The following OGFOD3 variants were observed in gnomAD, a reference collection of about 807,000 sequenced individuals.
OGFOD3 encodes the protein 2-oxoglutarate and iron-dependent oxygenase domain-containing protein 3.
Under a neutral mutation model 39.8 loss-of-function variants are expected in OGFOD3, and 35 were observed. The ratio of observed to expected loss-of-function variants is 0.88; its 90% confidence interval spans 0.67 to 1.17. The LOEUF is 1.17. Among genes scored for constraint, OGFOD3 ranks in the 50% most tolerant of loss-of-function variants. The pLI is 0.00. For missense variants in OGFOD3, 438 were observed against 454.5 expected, an observed-to-expected ratio of 0.96 and a Z score of 0.33; for synonymous variants, 200 against 192.0, an observed-to-expected ratio of 1.04 and a Z score of -0.34.
In OGFOD3 at chr17:82,392,197, G is replaced by A. The variant is rs972586690; in HGVS notation, c.*201C>T. ...TCAGGCTCCCAGGCCTACAGCCCAA[G>A]CACACATGATGCTGGAGAAGTGAAA... On this transcript the variant is annotated 3_prime_UTR_variant, in exon 9 of 9. Coordinates refer to ENST00000313056, the MANE Select transcript of OGFOD3 (RefSeq NM_024648.3). This position sits in a 1 kb window ranked among gnomAD's most constrained non-coding sequence, Gnocchi z 4.2. 2 of 655,504 alleles carry A rather than the reference G, an allele frequency of 3.1e-6. No individual in the cohort carries two copies. Among genetic ancestry groups the A allele is most frequent in the African/African-American group, 3.7e-5 (2 of 54,728 alleles). 40.6% of individuals were successfully genotyped at this position (655,504 alleles called of 1,614,324 possible).
intron 8 of OGFOD3, chr17:82,396,617 T>C (rs1232539938): frequency 6.6e-6 from 1 of 152,254 alleles, no homozygotes; most frequent in Non-Finnish European, 1.5e-5. Flanking sequence ...GTATTTATCA[T>C]GCTTAAAATG....
At position 82,418,458 on chromosome 17, in the gene OGFOD3, T is replaced by G; in HGVS notation, c.28A>C (p.Lys10Gln). MAPQRRAATKAPEGNGAAER... is the reference protein window; with the variant it reads MAPQRRAATQAPEGNGAAER... ...GCCGCTCCGTTGCCCTCGGGCGCCT[T>G]GGTTGCGGCCCTCCGCTGAGGAGCC... is the stretch of plus-strand genomic sequence containing the variant. Residue 10 changes from lysine to glutamine, a missense_variant, in exon 1 of 9, where the codon AAG becomes CAG. Physicochemically the swap from Lys to Gln is moderately conservative, Grantham distance 53. Transcript: ENST00000313056. The G allele has an allele frequency of 6.8e-7, 1 of 1,475,058 alleles. No homozygotes were observed. Among genetic ancestry groups the G allele is most frequent in the Non-Finnish European group, 8.9e-7 (1 of 1,118,868 alleles). 91.4% of individuals were successfully genotyped at this position (1,475,058 alleles called of 1,614,324 possible).
intron 5 of OGFOD3, among the ~76,000 whole-genome samples, chr17:82,405,949 A>AAAT (rs945618595): frequency 3.3e-5 from 5 of 152,018 alleles, no homozygotes; most frequent in East Asian, 1.9e-4. Context: ...TTCCATCTCA[A>AAAT]AATAATAATA....
rs147607026 is a variant in OGFOD3, at chr17:82,411,578, G to T, written c.305-48C>A. ...AGACGCAGTTTCCAAGGCCACCGGC[G>T]CATGCCCTTCCAGGGAATCAGGGCC... On this transcript the variant is annotated intron_variant, in intron 2 of 8. Coordinates refer to ENST00000313056, the MANE Select transcript of OGFOD3 (RefSeq NM_024648.3). The T allele has an allele frequency of 7.3e-5, 110 of 1,511,692 alleles. No individual in the cohort carries two copies. The Middle Eastern group carries it at 2.6e-3, about 35-fold the overall frequency. The allele number at this position is 1,511,692 out of a possible 1,614,324, so 93.6% of individuals were successfully genotyped here. A position where few individuals can be genotyped will look rare whatever the true frequency, so the allele number is the denominator to read the frequency against.
In OGFOD3 at chr17:82,411,522, G is replaced by T. The variant is rs747310509; in HGVS notation, c.313C>A (p.Pro105Thr). ...GTGACACCTCTGCCGCACTTTCGGG[G>T]AGTGCAGCCTGTGAAGGGACAGCCA... ...DSHRRFEGCTPRKCGRGVTDV... is the reference protein window; with the variant it reads ...DSHRRFEGCTTRKCGRGVTDV... Residue 105 changes from proline to threonine, a missense_variant, in exon 3 of 9, where the codon CCC (proline) becomes ACC (threonine). By Grantham distance (38) the Pro-to-Thr change is conservative (BLOSUM62 -1). Coordinates refer to ENST00000313056, the MANE Select transcript of OGFOD3 (RefSeq NM_024648.3). 1 of 1,614,058 alleles carries T rather than the reference G, an allele frequency of 6.2e-7. No homozygotes were observed. Among genetic ancestry groups the T allele is most frequent in the Non-Finnish European group, 8.5e-7 (1 of 1,179,958 alleles).
chr17:82,416,811 C>A (rs1223537851), intron 1 of OGFOD3, among the ~76,000 whole-genome samples: 1 of 152,100 alleles, frequency 6.6e-6, no homozygotes, highest in Non-Finnish European at 1.5e-5. Context: ...GCTAGGATTA[C>A]AGGCGTGCAC....
intron 7 of OGFOD3, among the ~76,000 whole-genome samples, chr17:82,399,587 C>T (rs1009552598): frequency 6.6e-6 from 1 of 152,204 alleles, no homozygotes. Flanking sequence ...TCTCATCCTC[C>T]CAGGCCGAAG....
chr17:82,415,547 C>G lies in OGFOD3; in HGVS notation c.155G>C (p.Gly52Ala). 1.2e-6 allele frequency: 2 copies of G among 1,613,502 alleles called. No homozygotes were observed. Among genetic ancestry groups the G allele is most frequent in the Non-Finnish European group, 1.7e-6 (2 of 1,179,944 alleles). Residue 52 changes from glycine to alanine, a missense_variant, in exon 2 of 9, where the codon GGC (glycine) becomes GCC (alanine). Coordinates refer to ENST00000313056, the MANE Select transcript of OGFOD3 (RefSeq NM_024648.3). The surrounding 1 kb of genome is among the most constrained non-coding windows in gnomAD (Gnocchi z 5.3). ...GAGCAGGAGTGCGGTGAGCACAAAG[C>G]CAGCCCCCAGGCCCGCGGTCCTTAG... The part of the protein sequence containing the change: ...PWLRTAGLGA[G>A]FVLTALLLWS...
chr17:82,416,265 C>A (rs1317342829), intron 1 of OGFOD3, among the ~76,000 whole-genome samples: 2 of 152,036 alleles, frequency 1.3e-5, no homozygotes, highest in African/African-American at 2.4e-5. Flanking sequence ...TAAACAAACA[C>A]ACACCACTTT....
intron 8 of OGFOD3, chr17:82,393,969 A>G (rs1283526281): frequency 6.5e-6 from 1 of 154,172 alleles, no homozygotes; most frequent in Non-Finnish European, 1.4e-5. Context: ...AGATGAGATC[A>G]ATACGGGGCC....
rs759508848 is a variant in OGFOD3, at chr17:82,415,443, C to T, written c.259G>A (p.Glu87Lys). Residue 87 changes from glutamate to lysine, a missense_variant, in exon 2 of 9, where the codon GAG becomes AAG. Transcript: ENST00000313056. The surrounding 1 kb of genome is among the most constrained non-coding windows in gnomAD (Gnocchi z 5.3). ...TCGTAGTCCTCAGAGCAGGGCACCT[C>T]GATGAATCTCCCTGCCACGACCTCG... ...RGEVVAGRFI[E>K]VPCSEDYDSH... 7 of 1,614,066 alleles carry T rather than the reference C, an allele frequency of 4.3e-6. No homozygotes were observed. The South Asian group carries it at 5.5e-5, about 13-fold the overall frequency.
At chr17:82,394,075 T>C (rs1407574893) in intron 8 of OGFOD3, among the ~76,000 whole-genome samples, 1 of 151,384 alleles carries the variant, frequency 6.6e-6, no homozygotes, top group African/African-American at 2.4e-5. Context: ...CTGCAAGCTC[T>C]GCCTCCTGGG....
Position 82,391,392 on chromosome 17 carries a change from G to T in OGFOD3, c.*1006C>A, listed in dbSNP as rs2052595196. The T allele has an allele frequency of 6.6e-6, 1 of 152,532 alleles. No homozygotes were observed. Among genetic ancestry groups the T allele is most frequent in the Non-Finnish European group, 1.5e-5 (1 of 68,158 alleles). 9.4% of individuals were successfully genotyped at this position (152,532 alleles called of 1,614,324 possible). ...GAGTCTCACTCTGTCACCCAGGCTG[G>T]AGTGTAGTGGCACGATCTCGGCTCA... On this transcript the variant is annotated 3_prime_UTR_variant, in exon 9 of 9. Transcript: ENST00000313056. The surrounding 1 kb of genome is among the most constrained non-coding windows in gnomAD (Gnocchi z 5.1).
intron 6 of OGFOD3, among the ~76,000 whole-genome samples, 187 bp downstream of exon 6, chr17:82,405,137 C>T (rs937271309): frequency 1.3e-5 from 2 of 152,216 alleles, no homozygotes; most frequent in Admixed American, 1.3e-4. Flanking sequence ...TCTGTTTCAC[C>T]GACCCGGGCG....
At position 82,412,931 on chromosome 17, in the gene OGFOD3, A is replaced by G. The variant is rs2052975094; in HGVS notation, c.305-1401T>C. 2.6e-5 allele frequency among the ~76,000 whole-genome samples: 4 copies of G among 152,154 alleles called. No individual in the cohort carries two copies. The South Asian group carries it at 8.3e-4, about 32-fold the overall frequency. On this transcript the variant is annotated intron_variant, in intron 2 of 8. Coordinates refer to ENST00000313056, the MANE Select transcript of OGFOD3 (RefSeq NM_024648.3). ...GGGACCATGGGAATAAAAGCCTCGC[A>G]CTCAGTGCTGAGTGCCAGCATCAGG...
Position 82,415,547 on chromosome 17 carries a change from C to T in OGFOD3, c.155G>A (p.Gly52Asp). The T allele has an allele frequency of 6.2e-7, 1 of 1,613,502 alleles. No homozygotes were observed. The highest frequency in any genetic ancestry group is 8.5e-7 in the Non-Finnish European group (1 of 1,179,944). Residue 52 changes from glycine to aspartate, a missense_variant, in exon 2 of 9, where the codon GGC becomes GAC. Gly to Asp is a moderately conservative substitution (Grantham distance 94, BLOSUM62 -1). Transcript: ENST00000313056. The surrounding 1 kb of genome is among the most constrained non-coding windows in gnomAD (Gnocchi z 5.3). ...PWLRTAGLGA[G>D]FVLTALLLWS... ...GAGCAGGAGTGCGGTGAGCACAAAG[C>T]CAGCCCCCAGGCCCGCGGTCCTTAG...
At position 82,418,498 on chromosome 17, in the gene OGFOD3, C is replaced by A; in HGVS notation, c.-13G>T. On this transcript the variant is annotated 5_prime_UTR_variant, in exon 1 of 9. Transcript: ENST00000313056. Reference sequence around the variant, plus strand: ...GCTGAGGAGCCATCGGACCAGGCCGCCGCGGAGCCGGGCCGGACGCGGGCG... The same window carrying A: ...GCTGAGGAGCCATCGGACCAGGCCGACGCGGAGCCGGGCCGGACGCGGGCG... 1 of 1,371,988 alleles carries A rather than the reference C, an allele frequency of 7.3e-7. No individual in the cohort carries two copies. Among genetic ancestry groups the A allele is most frequent in the Non-Finnish European group, 9.4e-7 (1 of 1,063,872 alleles). 85.0% of individuals were successfully genotyped at this position (1,371,988 alleles called of 1,614,324 possible). A position where few individuals can be genotyped will look rare whatever the true frequency, so the allele number is the denominator to read the frequency against.
At chr17:82,410,458 C>T (rs974090319) in intron 3 of OGFOD3, among the ~76,000 whole-genome samples, 4 of 152,240 alleles carry the variant, frequency 2.6e-5, no homozygotes, top group Admixed American at 6.5e-5. Context: ...TGTGCTGCCA[C>T]AAGTCATAGC....
At position 82,406,450 on chromosome 17, in the gene OGFOD3, C is replaced by G; in HGVS notation, c.456G>C (p.Leu152=). Residue 152 remains leucine (L), a synonymous_variant, in exon 5 of 9, where the codon CTG becomes CTC. Transcript: ENST00000313056. The surrounding 1 kb of genome is among the most constrained non-coding windows in gnomAD (Gnocchi z 5.2). ...GGTTCACAAAGTGCTTCCCGACAGACAGGGCCCCTGAGTGCAAGTCCAGAA... is the reference window on the plus strand; with the variant it reads ...GGTTCACAAAGTGCTTCCCGACAGAGAGGGCCCCTGAGTGCAAGTCCAGAA... ...ASILDLHSGA[L]SVGKHFVNLY... The G allele has an allele frequency of 6.2e-7, 1 of 1,614,206 alleles. No homozygotes were observed. Among genetic ancestry groups the G allele is most frequent in the African/African-American group, 1.3e-5 (1 of 75,074 alleles).
Sources: gnomAD v4.1 joint callset for allele counts (sites outside exome capture counted in the v4.1 genomes callset) on GRCh38, gnomAD v4.1.1 for gene constraint, Gnocchi (gnomAD v3.1) non-coding constraint, MANE v1.5 for transcripts, NCBI Gene and HGNC (gene_info 2026-07-23, HGNC 2026-07-21) for gene names.